WDR47: variants seen among roughly 807,000 people sequenced by gnomAD.
WDR47 encodes the protein WD repeat-containing protein 47.
In WDR47, 32 loss-of-function variants were observed where a neutral mutation model predicts 97.2. The observed-to-expected ratio is 0.33, with a 90% CI of 0.25 to 0.44. WDR47 has a LOEUF of 0.44. WDR47 is among the 20% of genes least tolerant of loss of function. WDR47 has a pLI of 1.00. For missense variants in WDR47, 782 were observed against 1,102.3 expected (o/e 0.71, Z 4.11); for synonymous variants, 375 against 373.5 (o/e 1.00, Z -0.05).
At chr1:108,975,951 G>T (rs932899387) in intron 13 of WDR47, among the ~76,000 whole-genome samples, 4 of 152,176 alleles carry the variant, frequency 2.6e-5, no homozygotes, top group African/African-American at 9.7e-5. Flanking sequence ...CAGGAAGGTA[G>T]ATCAGTTTGG....
At chr1:109,019,915 T>C (rs545538365) in intron 2 of WDR47, among the ~76,000 whole-genome samples, 1 of 152,148 alleles carries the variant, frequency 6.6e-6, no homozygotes. Context: ...CAGGAAGACC[T>C]ACATAGGATT....
chr1:109,023,247 T>C lies in WDR47; in HGVS notation c.158+108A>G, dbSNP rs1169282315. The C allele has an allele frequency of 2.9e-6, 3 of 1,033,668 alleles. No individual in the cohort carries two copies. The African/African-American group carries it at 5.0e-5, about 17-fold the overall frequency. The allele number at this position is 1,033,668 out of a possible 1,614,324, so 64.0% of individuals were successfully genotyped here. On this transcript the variant is annotated intron_variant, in intron 2 of 14. Coordinates refer to ENST00000369962, the MANE Select transcript of WDR47 (RefSeq NM_001142551.2). ...AATATTTTTTAAAATTATACTTACATAGCCTTTTCATGATTATAAAGTTCT... is the reference window on the plus strand; with the variant it reads ...AATATTTTTTAAAATTATACTTACACAGCCTTTTCATGATTATAAAGTTCT...
intron 1 of WDR47, among the ~76,000 whole-genome samples, chr1:109,025,352 G>T (rs1662132633): frequency 6.6e-6 from 1 of 150,460 alleles, no homozygotes; most frequent in Admixed American, 6.7e-5. Context: ...GATCACTGGA[G>T]CCCCAGAAGT....
At chr1:109,027,245 G>A (rs762977375) in intron 1 of WDR47, among the ~76,000 whole-genome samples, 2 of 151,702 alleles carry the variant, frequency 1.3e-5, no homozygotes, top group African/African-American at 2.4e-5. Context: ...TAGTAGAGAC[G>A]GGGTTTCGCC....
rs1031223037 is a variant in WDR47 at position 108,971,670 on chromosome 1, T to C, written c.2618-98A>G. 6 of 1,320,504 alleles carry C rather than the reference T, an allele frequency of 4.5e-6. No individual in the cohort carries two copies. The South Asian group carries it at 7.1e-5, about 16-fold the overall frequency. 81.8% of individuals were successfully genotyped at this position (1,320,504 alleles called of 1,614,324 possible). A position where few individuals can be genotyped will look rare whatever the true frequency, so the allele number is the denominator to read the frequency against. On this transcript the variant is annotated intron_variant, in intron 14 of 14. Coordinates refer to ENST00000369962, the MANE Select transcript of WDR47 (RefSeq NM_001142551.2). ...CTTTAAGACATTACAGTATAAAAAA[T>C]CTTAAACTACATTAATATAATACAT... is the stretch of plus-strand genomic sequence containing the variant.
At chr1:109,017,733 CAAAT>C in intron 2 of WDR47, 132 bp from the exon 3 acceptor site, 1 of 704,928 alleles carries the variant, frequency 1.4e-6, no homozygotes, top group African/African-American at 2.1e-5. Flanking sequence ...TTTGATTCCT[CAAAT>C]AAATTTTTCA....
At chr1:108,987,863 T>C (rs1350338682) in intron 9 of WDR47, among the ~76,000 whole-genome samples, 2 of 152,202 alleles carry the variant, frequency 1.3e-5, no homozygotes, top group Admixed American at 6.5e-5. Flanking sequence ...CTAATTTTTC[T>C]ATTTTTCATT....
At position 108,995,677 on chromosome 1, in the gene WDR47, T is replaced by C; in HGVS notation, c.1594A>G (p.Thr532Ala). The change falls in exon 8 of 15, where the codon ACA becomes GCA. Residue 532 changes from threonine to alanine, a missense_variant. Transcript: ENST00000369962. Reference protein sequence around the residue: ...TPPQDSSQRLTHDASNIHTST... With the variant: ...TPPQDSSQRLAHDASNIHTST... ...GTATGAATATTTGAAGCATCATGTG[T>C]TAATCTCTGACTAGAGTCTTGGGGT... The C allele has an allele frequency of 6.2e-7, 1 of 1,614,152 alleles. No individual in the cohort carries two copies. Among genetic ancestry groups the C allele is most frequent in the Non-Finnish European group, 8.5e-7 (1 of 1,180,020 alleles).
At chr1:109,025,196 G>C (rs1662114474) in intron 1 of WDR47, among the ~76,000 whole-genome samples, 1 of 152,026 alleles carries the variant, frequency 6.6e-6, no homozygotes, top group African/African-American at 2.4e-5. Flanking sequence ...CCAGCACTTT[G>C]AGAGGTCGAG....
chr1:109,021,703 T>A (rs1276402913), intron 2 of WDR47, among the ~76,000 whole-genome samples: 2 of 152,074 alleles, frequency 1.3e-5, no homozygotes, highest in East Asian at 3.8e-4. Flanking sequence ...ATTTTAGTAT[T>A]TTTAATAGAG....
intron 10 of WDR47, among the ~76,000 whole-genome samples, chr1:108,984,264 T>C (rs901440737): frequency 6.6e-6 from 1 of 152,184 alleles, no homozygotes; most frequent in Non-Finnish European, 1.5e-5. Context: ...CAGCATTTTA[T>C]CTACACTTTG....
chr1:109,000,990 G>C (rs1014593726), intron 7 of WDR47, among the ~76,000 whole-genome samples: 1 of 151,700 alleles, frequency 6.6e-6, no homozygotes, highest in African/African-American at 2.4e-5. Context: ...TTATTTTATT[G>C]AATTCTAAAC....
At chr1:109,041,413 C>A (rs1334351390) in intron 1 of WDR47, 1 of 152,304 alleles carries the variant, frequency 6.6e-6, no homozygotes. Context: ...TTCCTCCGGG[C>A]CAAGGCGTGC....
intron 7 of WDR47, 88 bp downstream of exon 7, chr1:109,002,136 C>T: frequency 1.4e-6 from 2 of 1,391,294 alleles, no homozygotes; most frequent in South Asian, 3.2e-5. Flanking sequence ...CTTAAAATGT[C>T]AAACTATACA....
At chr1:108,996,491 C>T (rs1049276723) in intron 7 of WDR47, among the ~76,000 whole-genome samples, 4 of 152,182 alleles carry the variant, frequency 2.6e-5, no homozygotes, top group Non-Finnish European at 5.9e-5. Flanking sequence ...ATCACCACTA[C>T]CAAAATTGCT....
intron 6 of WDR47, among the ~76,000 whole-genome samples, chr1:109,004,004 C>G (rs924082957): frequency 6.6e-6 from 1 of 152,060 alleles, no homozygotes; most frequent in African/African-American, 2.4e-5. Context: ...GTGGCTCAAG[C>G]CTGTAATCCC....
At chr1:109,037,189 C>T (rs948492199) in intron 1 of WDR47, among the ~76,000 whole-genome samples, 6 of 152,000 alleles carry the variant, frequency 3.9e-5, no homozygotes, top group African/African-American at 1.4e-4. Context: ...ATTAGCCAGG[C>T]GTGGTGGCAC....
chr1:109,002,925 T>C (rs530475063), intron 6 of WDR47, among the ~76,000 whole-genome samples: 2 of 152,276 alleles, frequency 1.3e-5, no homozygotes, highest in South Asian at 2.1e-4. Flanking sequence ...AAAAACAGTA[T>C]GGTGATTTCT....
chr1:109,004,809 T>C, intron 5 of WDR47, 94 bp from the exon 6 acceptor site: 2 of 1,375,482 alleles, frequency 1.5e-6, no homozygotes, highest in Non-Finnish European at 1.9e-6. Flanking sequence ...ATTATTATTA[T>C]TTTTGAGATG....
Sources: allele counts gnomAD v4.1 joint callset (sites outside exome capture counted in the v4.1 genomes callset), GRCh38; gene constraint gnomAD v4.1.1; transcripts MANE v1.5; gene names NCBI Gene and HGNC (gene_info 2026-07-23, HGNC 2026-07-21).